PCDHA13: variants seen among roughly 807,000 people sequenced by gnomAD.
The protein encoded by PCDHA13 is protocadherin alpha-13.
Under a neutral mutation model 64.8 loss-of-function variants are expected in PCDHA13, and 54 were observed. That is an observed-to-expected ratio of 0.83 (90% confidence interval 0.67 to 1.04). The LOEUF (loss-of-function observed/expected upper bound fraction) is 1.04. Among genes scored for constraint, PCDHA13 ranks in the 50% least tolerant of loss-of-function variants. The pLI, the probability that PCDHA13 is intolerant of heterozygous loss-of-function variation, is 0.00. For missense variants in PCDHA13, 1,248 were observed against 1,254.3 expected (o/e 0.99, Z 0.08); for synonymous variants, 587 against 564.4 (o/e 1.04, Z -0.57).
intron 1 of PCDHA13, among the ~76,000 whole-genome samples, chr5:140,923,821 G>A (rs1009668330): frequency 1.3e-5 from 2 of 152,148 alleles, no homozygotes; most frequent in African/African-American, 2.4e-5. Flanking sequence ...GAAAATAGAC[G>A]TCAGTGGCAG....
chr5:140,933,694 C>T (rs782754431), intron 1 of PCDHA13, among the ~76,000 whole-genome samples: 8 of 151,858 alleles, frequency 5.3e-5, no homozygotes, highest in South Asian at 4.1e-4. Flanking sequence ...TCCTATTCCT[C>T]GGACACATTT....
intron 1 of PCDHA13, chr5:140,929,246 C>A: frequency 6.2e-7 from 1 of 1,613,738 alleles, no homozygotes; most frequent in Non-Finnish European, 8.5e-7. Flanking sequence ...AATCTTGCCA[C>A]TGGGGTAGGA....
At position 140,882,646 on chromosome 5, in the gene PCDHA13, T is replaced by C. The variant is rs1554175002; in HGVS notation, c.378T>C (p.Ile126=). Reference sequence around the variant, plus strand: ...ATGTGGAGGTGAAGGTGAGGGACATTAACGACAACCCGCCCATATTCCCTG... The same window carrying C: ...ATGTGGAGGTGAAGGTGAGGGACATCAACGACAACCCGCCCATATTCCCTG... ...VFHVEVKVRD[I]NDNPPIFPES... Residue 126 remains isoleucine (I), a synonymous_variant, in exon 1 of 4, where the codon ATT becomes ATC. Coordinates refer to ENST00000289272, the MANE Select transcript of PCDHA13 (RefSeq NM_018904.3). The C allele has an allele frequency of 6.2e-7, 1 of 1,614,112 alleles. No homozygotes were observed. Among genetic ancestry groups the C allele is most frequent in the South Asian group, 1.1e-5 (1 of 91,082 alleles).
intron 1 of PCDHA13, among the ~76,000 whole-genome samples, chr5:140,950,924 T>C (rs1316182193): frequency 2.6e-5 from 4 of 152,104 alleles, no homozygotes; most frequent in Non-Finnish European, 5.9e-5. Flanking sequence ...TTCAGTTCTT[T>C]TTCTTTTCTT....
intron 1 of PCDHA13, among the ~76,000 whole-genome samples, chr5:140,919,522 CT>C (rs1554199133): frequency 1.3e-5 from 2 of 152,000 alleles, no homozygotes; most frequent in Non-Finnish European, 2.9e-5. Flanking sequence ...TTTTAATTCT[CT>C]TTTTTTCCTA....
chr5:140,901,146 C>A (rs1463079898), intron 1 of PCDHA13, among the ~76,000 whole-genome samples: 1 of 152,180 alleles, frequency 6.6e-6, no homozygotes, highest in African/African-American at 2.4e-5. Flanking sequence ...AATATTTTCT[C>A]TCAATCTGTG....
At chr5:140,949,694 G>C (rs1447787366) in intron 1 of PCDHA13, among the ~76,000 whole-genome samples, 1 of 151,590 alleles carries the variant, frequency 6.6e-6, no homozygotes, top group Non-Finnish European at 1.5e-5. Context: ...CGTATTGTTG[G>C]ATCTTGCTGT....
Position 140,882,551 on chromosome 5 carries a change from C to A in PCDHA13, c.283C>A (p.Leu95Met). ...GAATTCTCGGATCGACCGCGAGGAG[C>A]TGTGTGGGCGGAGCGCGGAGTGCAG... ...FVNSRIDREE[L>M]CGRSAECSIH... Residue 95 changes from leucine to methionine, a missense_variant, in exon 1 of 4, where the codon CTG becomes ATG. By Grantham distance (15) the Leu-to-Met change is conservative. Transcript: ENST00000289272. 1 of 1,614,216 alleles carries A rather than the reference C, an allele frequency of 6.2e-7. No homozygotes were observed. The highest frequency in any genetic ancestry group is 8.5e-7 in the Non-Finnish European group (1 of 1,180,046).
intron 1 of PCDHA13, among the ~76,000 whole-genome samples, chr5:140,938,157 G>A (rs532966795): frequency 6.6e-6 from 1 of 151,904 alleles, no homozygotes; most frequent in East Asian, 1.9e-4. Context: ...CATTGCCCAG[G>A]CTAGTCTGGA....
intron 1 of PCDHA13, among the ~76,000 whole-genome samples, chr5:140,943,845 C>T (rs59104695): frequency 0.056 from 8,479 of 152,194 alleles, 700 homozygotes; most frequent in African/African-American, 0.18. Flanking sequence ...TGTAAGATGT[C>T]ACAGAAGTCA....
At chr5:140,898,400 C>T (rs1374307667) in intron 1 of PCDHA13, among the ~76,000 whole-genome samples, 1 of 152,178 alleles carries the variant, frequency 6.6e-6, no homozygotes, top group Non-Finnish European at 1.5e-5. Flanking sequence ...TTTCAGCTTT[C>T]TACATACGGC....
intron 1 of PCDHA13, among the ~76,000 whole-genome samples, chr5:140,949,007 A>T (rs1300926078): frequency 6.6e-6 from 1 of 151,692 alleles, no homozygotes; most frequent in Non-Finnish European, 1.5e-5. Flanking sequence ...TAATTTTTAT[A>T]TGTGATGTTT....
At chr5:140,900,032 A>G (rs1439772684) in intron 1 of PCDHA13, among the ~76,000 whole-genome samples, 1 of 151,930 alleles carries the variant, frequency 6.6e-6, no homozygotes, top group Non-Finnish European at 1.5e-5. Context: ...TTGGCCTTGA[A>G]TTCCTGGGCT....
At chr5:140,949,474 G>T (rs2094384891) in intron 1 of PCDHA13, among the ~76,000 whole-genome samples, 1 of 151,524 alleles carries the variant, frequency 6.6e-6, no homozygotes, top group Admixed American at 6.6e-5. Flanking sequence ...CTGTTATTAG[G>T]CACACACATT....
In PCDHA13 at chr5:140,937,678, T is replaced by C. The variant is rs570305485; in HGVS notation, c.2395-41271T>C. On this transcript the variant is annotated intron_variant, in intron 1 of 3. Coordinates refer to ENST00000289272, the MANE Select transcript of PCDHA13 (RefSeq NM_018904.3). ...CTGTAATCCCAGCACTTTGGGAGGC[T>C]GAGGCAGGCGGATCACGAGGTCAGG... Among the ~76,000 whole-genome samples the C allele has an allele frequency of 5.4e-3, 825 of 151,734 alleles. 2 individuals are homozygous for C. Among genetic ancestry groups the C allele is most frequent in the African/African-American group, 0.019 (794 of 41,384 alleles).
At chr5:140,983,882 A>G (rs1203287819) in intron 3 of PCDHA13, among the ~76,000 whole-genome samples, 2 of 152,224 alleles carry the variant, frequency 1.3e-5, no homozygotes, top group East Asian at 3.8e-4. Flanking sequence ...TTTACTGGCA[A>G]CTTTAAGGGC....
chr5:141,007,812 G>C (rs1446053616), intron 3 of PCDHA13, among the ~76,000 whole-genome samples: 2 of 152,078 alleles, frequency 1.3e-5, no homozygotes, highest in Non-Finnish European at 2.9e-5. Context: ...CCATTCATTT[G>C]CCTTCCCCCA....
intron 1 of PCDHA13, among the ~76,000 whole-genome samples, chr5:140,943,705 C>T (rs528361276): frequency 1.6e-4 from 25 of 152,150 alleles, no homozygotes; most frequent in Middle Eastern, 3.4e-3. Context: ...TATTGTGGAA[C>T]ACATTTAAAG....
chr5:140,963,927 T>C (rs1439271741), intron 1 of PCDHA13, among the ~76,000 whole-genome samples: 1 of 152,220 alleles, frequency 6.6e-6, no homozygotes, highest in East Asian at 1.9e-4. Context: ...AAGTAACATG[T>C]CCATAGCCAA....
Sources: gnomAD v4.1 joint callset for allele counts (sites outside exome capture counted in the v4.1 genomes callset) on GRCh38, gnomAD v4.1.1 for gene constraint, MANE v1.5 for transcripts, NCBI Gene and HGNC (gene_info 2026-07-23, HGNC 2026-07-21) for gene names.